ATP2A3: variants seen among roughly 807,000 people sequenced by gnomAD.
The protein encoded by ATP2A3 is sarcoplasmic/endoplasmic reticulum calcium ATPase 3.
In ATP2A3, 61 loss-of-function variants were observed where a neutral mutation model predicts 106.8. The observed-to-expected ratio is 0.57, with a 90% CI of 0.46 to 0.71. The LOEUF is 0.71. Among genes scored for constraint, ATP2A3 ranks in the 30% least tolerant of loss-of-function variants. The pLI, the probability that ATP2A3 is intolerant of heterozygous loss-of-function variation, is 0.00. For missense variants in ATP2A3, 1,201 were observed against 1,423.5 expected (o/e 0.84, Z 2.52); for synonymous variants, 611 against 609.3 (o/e 1.00, Z -0.04).
At position 3,950,676 on chromosome 17, in the gene ATP2A3, C is replaced by T. The variant is rs776019428; in HGVS notation, c.544+17G>A. 5.6e-5 allele frequency: 90 copies of T among 1,613,840 alleles called. No homozygotes were observed. The highest frequency in any genetic ancestry group is 7.3e-5 in the Non-Finnish European group (86 of 1,179,968). Reference sequence around the variant, plus strand: ...GTCCTGGCCCACTAGGTCCCGGCCTCCTGGGGGGGGCCTCACCCGTCAGGA... The same window carrying T: ...GTCCTGGCCCACTAGGTCCCGGCCTTCTGGGGGGGGCCTCACCCGTCAGGA... On this transcript the variant is annotated intron_variant, in intron 6 of 20. Coordinates refer to ENST00000397041, the MANE Select transcript of ATP2A3 (RefSeq NM_005173.4).
intron 1 of ATP2A3, among the ~76,000 whole-genome samples, chr17:3,959,557 C>T (rs560396944): frequency 6.6e-6 from 1 of 152,266 alleles, no homozygotes; most frequent in Non-Finnish European, 1.5e-5. Flanking sequence ...CCTCATCCCC[C>T]CTCTACTCCT....
chr17:3,947,795 C>A lies in ATP2A3; in HGVS notation c.691G>T (p.Glu231Ter). The A allele has an allele frequency of 6.2e-7, 1 of 1,601,404 alleles. No homozygotes were observed. The highest frequency in any genetic ancestry group is 8.5e-7 in the Non-Finnish European group (1 of 1,179,870). ...ATCTGGCTCCGGATCTTGCCCAGCTCCGTGTGCAGGCCGGTGGCCACGGCC... is the reference window on the plus strand; with the variant it reads ...ATCTGGCTCCGGATCTTGCCCAGCTACGTGTGCAGGCCGGTGGCCACGGCC... ...GVAVATGLHT[E>*]LGKIRSQMAA... The change falls in exon 8 of 21, where the codon GAG (glutamate) becomes TAG (stop). Residue 231 changes from glutamate (E) to a stop codon, truncating the protein, a stop_gained. Transcript: ENST00000397041. LOFTEE classifies it high-confidence loss of function. The surrounding 1 kb of genome is among the most constrained non-coding windows in gnomAD (Gnocchi z 7.7).
In ATP2A3 at chr17:3,929,329, G is replaced by C; in HGVS notation, c.2861C>G (p.Pro954Arg). The C allele has an allele frequency of 6.4e-7, 1 of 1,550,622 alleles. No homozygotes were observed. Among genetic ancestry groups the C allele is most frequent in the Non-Finnish European group, 8.7e-7 (1 of 1,147,270 alleles). ...HFLILLVPPLPLIFQVTPLSG... is the reference protein window; with the variant it reads ...HFLILLVPPLRLIFQVTPLSG... ...AGTGGGGCAGGCGGGGTGACTCACAGGCAGGGGCGGCACGAGCAGGATGAG... is the reference window on the plus strand; with the variant it reads ...AGTGGGGCAGGCGGGGTGACTCACACGCAGGGGCGGCACGAGCAGGATGAG... The change falls in exon 19 of 21, where the codon CCT (proline) becomes CGT (arginine). Residue 954 changes from proline to arginine, a missense_variant and splice_region_variant. By Grantham distance (103) the Pro-to-Arg change is moderately radical. This residue lies in a region of ATP2A3 where 935 missense variants were observed against 1,176.7 expected (regional missense o/e 0.79). Transcript: ENST00000397041. This position sits in a 1 kb window ranked among gnomAD's most constrained non-coding sequence, Gnocchi z 4.3.
At chr17:3,958,747 CACAT>C (rs1161999673) in intron 1 of ATP2A3, among the ~76,000 whole-genome samples, 1 of 145,906 alleles carries the variant, frequency 6.9e-6, no homozygotes, top group Non-Finnish European at 1.5e-5. Context: ...TATATAGACA[CACAT>C]ATATATACAC....
chr17:3,935,024 G>A (rs1040925514), intron 17 of ATP2A3, 168 bp downstream of exon 17: 6 of 735,350 alleles, frequency 8.2e-6, no homozygotes, highest in Non-Finnish European at 1.4e-5. Context: ...GTGTCTCTGG[G>A]TTTCCCGTGG....
At position 3,925,084 on chromosome 17, in the gene ATP2A3, G is replaced by A; in HGVS notation, c.*338C>T. ...AGCTCCAGCTGCACTCGTGATTTGG[G>A]GGTGGGGGGGCCCCGGATCTCTGGG... On this transcript the variant is annotated 3_prime_UTR_variant, in exon 21 of 21. Coordinates refer to ENST00000397041, the MANE Select transcript of ATP2A3 (RefSeq NM_005173.4). This position sits in a 1 kb window ranked among gnomAD's most constrained non-coding sequence, Gnocchi z 4.2. 1.9e-6 allele frequency: 1 copy of A among 519,524 alleles called. No homozygotes were observed. The highest frequency in any genetic ancestry group is 3.5e-6 in the Non-Finnish European group (1 of 286,006). 32.2% of individuals were successfully genotyped at this position (519,524 alleles called of 1,614,324 possible).
At position 3,947,287 on chromosome 17, in the gene ATP2A3, TTCTC is replaced by T; in HGVS notation, c.1095+100_1095+103del. 1 of 1,383,724 alleles carries T rather than the reference TTCTC, an allele frequency of 7.2e-7. No homozygotes were observed. The allele number at this position is 1,383,724 out of a possible 1,614,324, so 85.7% of individuals were successfully genotyped here. A position where few individuals can be genotyped will look rare whatever the true frequency, so the allele number is the denominator to read the frequency against. ...TCTGGGCCAAGGGACAGCCCACAGA[TTCTC>T]TCCTCCATCCCTCACTGAAAAGGAG... On this transcript the variant is annotated intron_variant, in intron 8 of 20. Transcript: ENST00000397041. The surrounding 1 kb of genome is among the most constrained non-coding windows in gnomAD (Gnocchi z 7.7).
Position 3,930,611 on chromosome 17 carries a change from G to C in ATP2A3, c.2611-177C>G. The C allele has an allele frequency of 1.2e-6, 1 of 831,922 alleles. No homozygotes were observed. Among genetic ancestry groups the C allele is most frequent in the East Asian group, 2.7e-5 (1 of 37,388 alleles). 51.5% of individuals were successfully genotyped at this position (831,922 alleles called of 1,614,324 possible). On this transcript the variant is annotated intron_variant, in intron 17 of 20. Transcript: ENST00000397041. The surrounding 1 kb of genome is among the most constrained non-coding windows in gnomAD (Gnocchi z 5.4). Reference sequence around the variant, plus strand: ...GGTGCGGGGTCGGGGCGGCGGTGGGGAGAGCTGCACCGTGCCAGGGAGAAG... The same window carrying C: ...GGTGCGGGGTCGGGGCGGCGGTGGGCAGAGCTGCACCGTGCCAGGGAGAAG...
At position 3,964,244 on chromosome 17, in the gene ATP2A3, G is replaced by C; in HGVS notation, c.48C>G (p.Phe16Leu). 1 of 1,286,316 alleles carries C rather than the reference G, an allele frequency of 7.8e-7. No individual in the cohort carries two copies. Among genetic ancestry groups the C allele is most frequent in the Non-Finnish European group, 1.0e-6 (1 of 1,004,856 alleles). 79.7% of individuals were successfully genotyped at this position (1,286,316 alleles called of 1,614,324 possible). A position where few individuals can be genotyped will look rare whatever the true frequency, so the allele number is the denominator to read the frequency against. The change falls in exon 1 of 21, where the codon TTC becomes TTG. Residue 16 changes from phenylalanine (F) to leucine (L), a missense_variant. Physicochemically the swap from Phe to Leu is conservative, Grantham distance 22. This residue lies in a region of ATP2A3 where 266 missense variants were observed against 246.8 expected (regional missense o/e 1.08). Transcript: ENST00000397041. The stretch of plus-strand genomic sequence containing the variant: ...TCAGGCCGCCCTCGGCTGTCACCGA[G>C]AAGTGGCGCAGCACGTCGGCGGCCG... ...LLPAADVLRH[F>L]SVTAEGGLSP...
chr17:3,935,490 A>G (rs1433826924), intron 16 of ATP2A3, among the ~76,000 whole-genome samples: 1 of 149,858 alleles, frequency 6.7e-6, no homozygotes, highest in East Asian at 2.0e-4. Context: ...CTTGGAGATG[A>G]GCAGGTGAAC....
rs575526294 is a variant in ATP2A3, at chr17:3,942,654, C to T, written c.1497G>A (p.Thr499=). 5.6e-6 allele frequency: 9 copies of T among 1,613,406 alleles called. No individual in the cohort carries two copies. Among genetic ancestry groups the T allele is most frequent in the African/African-American group, 2.7e-5 (2 of 75,026 alleles). The change falls in exon 12 of 21, where the codon ACG becomes ACA. Residue 499 remains threonine (T), a synonymous_variant. Transcript: ENST00000397041. The part of the protein sequence containing the change: ...RDRKSMSVYC[T]PTRPHPTGQG... ...GGCCAGTAGGGTGAGGGCGGGTGGG[C>T]GTGCAGTACACGGACATGGATTTCC...
At position 3,936,120 on chromosome 17, in the gene ATP2A3, C is replaced by T. The variant is rs892485311; in HGVS notation, c.2524+147G>A. ...GCCAGTGATACTGAGACCCAGATCC[C>T]GCCATGCCTGGTCTTTTCCATTACA... On this transcript the variant is annotated intron_variant, in intron 16 of 20. Transcript: ENST00000397041. The surrounding 1 kb of genome is among the most constrained non-coding windows in gnomAD (Gnocchi z 5.4). 42 of 1,064,818 alleles carry T rather than the reference C, an allele frequency of 3.9e-5. No homozygotes were observed. Among genetic ancestry groups the T allele is most frequent in the Middle Eastern group, 2.6e-4 (1 of 3,866 alleles). The allele number at this position is 1,064,818 out of a possible 1,614,324, so 66.0% of individuals were successfully genotyped here.
At position 3,955,916 on chromosome 17, in the gene ATP2A3, C is replaced by G. The variant is rs571808354; in HGVS notation, c.119-2206G>C. Among the ~76,000 whole-genome samples the G allele has an allele frequency of 8.0e-5, 12 of 150,746 alleles. No individual in the cohort carries two copies. The East Asian group carries it at 2.3e-3, about 29-fold the overall frequency. ...TTTTTTTTTGAGATGGAGTCTTGCT[C>G]TCTCGCCCAGGCTGGAGCGCAGTGG... On this transcript the variant is annotated intron_variant, in intron 1 of 20. Coordinates refer to ENST00000397041, the MANE Select transcript of ATP2A3 (RefSeq NM_005173.4). This position sits in a 1 kb window ranked among gnomAD's most constrained non-coding sequence, Gnocchi z 4.2.
Position 3,930,526 on chromosome 17 carries a change from C to A in ATP2A3, c.2611-92G>T. 1 of 1,544,106 alleles carries A rather than the reference C, an allele frequency of 6.5e-7. No homozygotes were observed. Among genetic ancestry groups the A allele is most frequent in the Admixed American group, 1.8e-5 (1 of 55,918 alleles). ...GAAGCCTCATCCTGCCCTTGGCCCA[C>A]GCCTGGGCACAACCAGCACACAAAA... On this transcript the variant is annotated intron_variant, in intron 17 of 20. Transcript: ENST00000397041. This position sits in a 1 kb window ranked among gnomAD's most constrained non-coding sequence, Gnocchi z 5.4.
chr17:3,924,748 G>A lies in ATP2A3; in HGVS notation c.*674C>T, dbSNP rs764704176. On this transcript the variant is annotated 3_prime_UTR_variant, in exon 21 of 21. Transcript: ENST00000397041. The surrounding 1 kb of genome is among the most constrained non-coding windows in gnomAD (Gnocchi z 6.4). ...TCCCGGGAAAGGACATCCTCGCTCCGCCCTCCTGCCGGCTCCTTGTGTCCG... is the reference window on the plus strand; with the variant it reads ...TCCCGGGAAAGGACATCCTCGCTCCACCCTCCTGCCGGCTCCTTGTGTCCG... 4.4e-5 allele frequency: 20 copies of A among 456,450 alleles called. No individual in the cohort carries two copies. The highest frequency in any genetic ancestry group is 2.1e-4 in the East Asian group (3 of 14,400). The allele number at this position is 456,450 out of a possible 1,614,324, so 28.3% of individuals were successfully genotyped here. A position where few individuals can be genotyped will look rare whatever the true frequency, so the allele number is the denominator to read the frequency against.
At position 3,955,926 on chromosome 17, in the gene ATP2A3, G is replaced by A. The variant is rs1052873110; in HGVS notation, c.119-2216C>T. Among the ~76,000 whole-genome samples, 20 of 151,386 alleles carry A rather than the reference G, an allele frequency of 1.3e-4. No individual in the cohort carries two copies. Among genetic ancestry groups the A allele is most frequent in the African/African-American group, 3.6e-4 (15 of 41,184 alleles). ...AGATGGAGTCTTGCTCTCTCGCCCA[G>A]GCTGGAGCGCAGTGGCGGGATCTTG... On this transcript the variant is annotated intron_variant, in intron 1 of 20. Coordinates refer to ENST00000397041, the MANE Select transcript of ATP2A3 (RefSeq NM_005173.4). The surrounding 1 kb of genome is among the most constrained non-coding windows in gnomAD (Gnocchi z 4.2).
chr17:3,943,159 C>T (rs552197839), intron 11 of ATP2A3, among the ~76,000 whole-genome samples: 15 of 152,014 alleles, frequency 9.9e-5, no homozygotes, highest in South Asian at 8.3e-4. Flanking sequence ...TGTGGTGGCA[C>T]GCGCCGGGAG....
At position 3,924,979 on chromosome 17, in the gene ATP2A3, A is replaced by G. The variant is rs2052625670; in HGVS notation, c.*443T>C. On this transcript the variant is annotated 3_prime_UTR_variant, in exon 21 of 21. Transcript: ENST00000397041. The surrounding 1 kb of genome is among the most constrained non-coding windows in gnomAD (Gnocchi z 6.4). ...ACGAAGAGAGAGGTCAGAGCCGGTA[A>G]GAAGGACCCCCAGAGTCCTCCGTCA... The G allele has an allele frequency of 2.6e-6, 1 of 387,660 alleles. No homozygotes were observed. Among genetic ancestry groups the G allele is most frequent in the Non-Finnish European group, 5.1e-6 (1 of 197,482 alleles). The allele number at this position is 387,660 out of a possible 1,614,324, so 24.0% of individuals were successfully genotyped here.
chr17:3,948,129 A>G (rs899994179), intron 7 of ATP2A3, among the ~76,000 whole-genome samples: 1 of 152,198 alleles, frequency 6.6e-6, no homozygotes, highest in Non-Finnish European at 1.5e-5. Context: ...ACGGGGGCTG[A>G]TATTGATGAT....
Sources: allele counts gnomAD v4.1 joint callset (sites outside exome capture counted in the v4.1 genomes callset), GRCh38; gene constraint gnomAD v4.1.1; regional missense constraint gnomAD v4.1.1; non-coding constraint Gnocchi (gnomAD v3.1); transcripts MANE v1.5; gene names NCBI Gene and HGNC (gene_info 2026-07-23, HGNC 2026-07-21).